Variants in DHRSX observed in about 807,000 individuals in gnomAD.
The protein encoded by DHRSX is dehydrogenase/reductase X-linked, also known as polyprenol dehydrogenase.
Under a neutral mutation model 34.0 loss-of-function variants are expected in DHRSX, and 31 were observed. That is an observed-to-expected ratio of 0.91 (90% CI 0.69 to 1.23). DHRSX has a LOEUF of 1.23. Ranked by LOEUF, DHRSX falls within the 50% of genes most tolerant of loss-of-function variation. The pLI, the probability that DHRSX is intolerant of heterozygous loss-of-function variation, is 0.00. For synonymous variants in DHRSX, 201 were observed against 183.8 expected (o/e 1.09, Z -0.76); for missense variants, 414 against 428.1 (o/e 0.97, Z 0.29).
chrX:2,395,624 G>C lies in DHRSX; in HGVS notation c.286+13121C>G, dbSNP rs749637796. Among the ~76,000 whole-genome samples, 73 of 152,248 alleles carry C rather than the reference G, an allele frequency of 4.8e-4. 1 individual carries two copies. Among genetic ancestry groups the C allele is most frequent in the Admixed American group, 3.7e-3 (56 of 15,292 alleles). ...GACTGCAAGGAAGGCATGGATGGGGGCGTGTCCACCTCCAGCGGAACCCCC... is the reference window on the plus strand; with the variant it reads ...GACTGCAAGGAAGGCATGGATGGGGCCGTGTCCACCTCCAGCGGAACCCCC... On this transcript the variant is annotated intron_variant, in intron 3 of 6. Transcript: ENST00000334651.
At chrX:2,361,747 C>CA (rs911836970) in intron 3 of DHRSX, among the ~76,000 whole-genome samples, 13 of 152,134 alleles carry the variant, frequency 8.5e-5, no homozygotes, top group African/African-American at 2.7e-4. Context: ...TGGCATGATT[C>CA]AAATTCTAAA....
intron 3 of DHRSX, among the ~76,000 whole-genome samples, chrX:2,317,514 A>G (rs1398477480): frequency 2.6e-5 from 4 of 151,860 alleles, no homozygotes; most frequent in African/African-American, 9.7e-5. Flanking sequence ...GGCCTCCCAA[A>G]GTGCTGGGAT....
chrX:2,231,812 C>T, intron 6 of DHRSX, among the ~76,000 whole-genome samples: 1 of 113,838 alleles, frequency 8.8e-6, no homozygotes, highest in East Asian at 5.0e-4. Flanking sequence ...CCTCTCTCTC[C>T]CTTCCTCTTC....
At chrX:2,345,702 A>T (rs1002401107) in intron 3 of DHRSX, among the ~76,000 whole-genome samples, 2 of 151,342 alleles carry the variant, frequency 1.3e-5, no homozygotes, top group Non-Finnish European at 2.9e-5. Context: ...TGAGTAAAGC[A>T]ATTTGTCCTT....
rs188327206 is a variant in DHRSX at position 2,431,707 on chromosome X, A to G, written c.110-6403T>C. 1.6e-3 allele frequency among the ~76,000 whole-genome samples: 250 copies of G among 152,316 alleles called. 2 individuals carry two copies. Among genetic ancestry groups the G allele is most frequent in the African/African-American group, 5.8e-3 (240 of 41,580 alleles). On this transcript the variant is annotated intron_variant, in intron 1 of 6. Coordinates refer to ENST00000334651, the MANE Select transcript of DHRSX (RefSeq NM_145177.3). ...ACTTCTTACTGGGAGGTAAACATCA[A>G]GTACAGATGGACATAAAGATGGGAA...
At chrX:2,304,203 A>AG (rs2042067424) in intron 3 of DHRSX, among the ~76,000 whole-genome samples, 8 of 29,620 alleles carry the variant, frequency 2.7e-4, no homozygotes, top group African/African-American at 9.2e-4. Flanking sequence ...ATGGATGGAT[A>AG]AATGGATGGA....
At chrX:2,303,877 G>GGA (rs1569485755) in intron 3 of DHRSX, among the ~76,000 whole-genome samples, 82 of 56,252 alleles carry the variant, frequency 1.5e-3, no homozygotes, top group African/African-American at 4.2e-3. Flanking sequence ...GGGTGGATGG[G>GGA]TGGATGGATG....
At chrX:2,261,706 G>C (rs1248839161) in intron 5 of DHRSX, 1 of 151,284 alleles carries the variant, frequency 6.6e-6, no homozygotes, top group Non-Finnish European at 1.5e-5. Flanking sequence ...GGGAGGCGGA[G>C]GTTGCAGTGA....
chrX:2,468,557 G>A (rs1250569513), intron 1 of DHRSX, among the ~76,000 whole-genome samples: 1 of 151,928 alleles, frequency 6.6e-6, no homozygotes, highest in Non-Finnish European at 1.5e-5. Flanking sequence ...CCCTAAGAAT[G>A]CGGCCACGGG....
At chrX:2,271,819 ATCAGT>A (rs775402196) in intron 4 of DHRSX, among the ~76,000 whole-genome samples, 52 of 152,290 alleles carry the variant, frequency 3.4e-4, no homozygotes, top group African/African-American at 1.2e-3. Flanking sequence ...AAGCGGGCAG[ATCAGT>A]TCAGGTCAGG....
rs185723300 is a variant in DHRSX, at chrX:2,405,506, G to A, written c.286+3239C>T. 3.1e-3 allele frequency among the ~76,000 whole-genome samples: 462 copies of A among 150,752 alleles called. 5 individuals are homozygous for A. The highest frequency in any genetic ancestry group is 0.01 in the African/African-American group (430 of 41,014). On this transcript the variant is annotated intron_variant, in intron 3 of 6. Transcript: ENST00000334651. ...CTGTCTCAAAATATTAATAATAATC[G>A]TCATCATCATCAAAATAGGCCAGGC... is the stretch of plus-strand genomic sequence containing the variant.
At chrX:2,272,020 G>C (rs1395391834) in intron 4 of DHRSX, among the ~76,000 whole-genome samples, 1 of 152,000 alleles carries the variant, frequency 6.6e-6, no homozygotes. Flanking sequence ...CAGCCTGGGC[G>C]AAAGAGTGAG....
Position 2,455,845 on chromosome X carries a change from T to G in DHRSX, c.110-30541A>C, listed in dbSNP as rs73632329. On this transcript the variant is annotated intron_variant, in intron 1 of 6. Transcript: ENST00000334651. ...TTTTTAACTCTTTTAAAATGTTAGA[T>G]TAGTGTCTTAGGAAATCAGGGATTT... Among the ~76,000 whole-genome samples the G allele has an allele frequency of 5.4e-3, 826 of 151,938 alleles. 13 individuals are homozygous for G. The highest frequency in any genetic ancestry group is 0.019 in the African/African-American group (777 of 41,452).
chrX:2,408,889 AG>A, intron 2 of DHRSX, 76 bp from the exon 3 acceptor site: 1 of 1,103,072 alleles, frequency 9.1e-7, no homozygotes, highest in Non-Finnish European at 1.3e-6. Flanking sequence ...AAAAAAAAAG[AG>A]GTTTTAAGAG....
At chrX:2,243,360 A>T in intron 5 of DHRSX, 130 bp from the exon 6 acceptor site, 1 of 712,310 alleles carries the variant, frequency 1.4e-6, no homozygotes, top group Non-Finnish European at 2.3e-6. Flanking sequence ...CCCATGTGTG[A>T]TCATGCCATC....
chrX:2,388,068 G>T (rs917271669), intron 3 of DHRSX, among the ~76,000 whole-genome samples: 1 of 152,040 alleles, frequency 6.6e-6, no homozygotes, highest in Admixed American at 6.6e-5. Context: ...ATCAGCCTCA[G>T]GGCTTGAGGG....
chrX:2,383,521 C>A (rs111765828), intron 3 of DHRSX, among the ~76,000 whole-genome samples: 5,545 of 152,126 alleles, frequency 0.036, 153 homozygotes, highest in Non-Finnish European at 0.054. Flanking sequence ...ACCATCATCA[C>A]AACCATCATC....
intron 3 of DHRSX, among the ~76,000 whole-genome samples, chrX:2,389,383 ACT>A (rs2043308805): frequency 6.6e-6 from 1 of 150,728 alleles, no homozygotes; most frequent in African/African-American, 2.4e-5. Flanking sequence ...CTGAATCCAG[ACT>A]CTGTTTTGTG....
Position 2,490,182 on chromosome X carries a change from C to T in DHRSX, c.109+10635G>A, listed in dbSNP as rs148879989. On this transcript the variant is annotated intron_variant, in intron 1 of 6. Transcript: ENST00000334651. ...AGCTCCTTCAGGATCACCTCCCGGA[C>T]GGCCCCGTACTTCTCAGGGATGGCC... 74 of 1,613,978 alleles carry T rather than the reference C, an allele frequency of 4.6e-5. 1 individual carries two copies. The African/African-American group carries it at 4.8e-4, about 10-fold the overall frequency.
Sources: gnomAD v4.1 joint callset for allele counts (sites outside exome capture counted in the v4.1 genomes callset) on GRCh38, gnomAD v4.1.1 for gene constraint, MANE v1.5 for transcripts, NCBI Gene and HGNC (gene_info 2026-07-23, HGNC 2026-07-21) for gene names.